PHKG2: variants seen among roughly 807,000 people sequenced by gnomAD.
PHKG2 encodes phosphorylase b kinase gamma catalytic chain, liver/testis isoform.
A neutral mutation model predicts 44.5 loss-of-function variants in PHKG2; 28 were observed. That is an observed-to-expected ratio of 0.63 (90% CI 0.47 to 0.86). The LOEUF (loss-of-function observed/expected upper bound fraction) is 0.86, where lower values mean the gene tolerates loss of function less well. Among genes scored for constraint, PHKG2 ranks in the 40% least tolerant of loss-of-function variants. The pLI is 0.00. For missense variants in PHKG2, 498 were observed against 547.5 expected (o/e 0.91, Z 0.90); for synonymous variants, 220 against 211.2 (o/e 1.04, Z -0.36).
At position 30,758,517 on chromosome 16, in the gene PHKG2, G is replaced by T; in HGVS notation, c.*1420G>T. ...AAGCCACCGTCATTGGCTTTCTAAT[G>T]ATCATTTCTCTGGAGCCACTTCAGC... is the stretch of plus-strand genomic sequence containing the variant. On this transcript the variant is annotated 3_prime_UTR_variant, in exon 10 of 10. Transcript: ENST00000563588. The T allele has an allele frequency of 5.1e-6, 1 of 194,872 alleles. No individual in the cohort carries two copies. The highest frequency in any genetic ancestry group is 2.4e-5 in the African/African-American group (1 of 42,230). The allele number at this position is 194,872 out of a possible 1,614,324, so 12.1% of individuals were successfully genotyped here.
rs746067638 is a variant in PHKG2 at position 30,756,484 on chromosome 16, C to T, written c.765C>T (p.Pro255=). ...AGGGCCAGTACCAGTTCAGTTCCCC[C>T]GAGTGGGATGACCGTTCCAGCACTG... ...IMEGQYQFSS[P]EWDDRSSTVK... is the part of the protein sequence containing the mutation. The change falls in exon 8 of 10, where the codon CCC becomes CCT. Residue 255 remains proline, a synonymous_variant. Coordinates refer to ENST00000563588, the MANE Select transcript of PHKG2 (RefSeq NM_000294.3). The T allele has an allele frequency of 1.2e-5, 20 of 1,613,356 alleles. No homozygotes were observed. The African/African-American group carries it at 1.3e-4, about 11-fold the overall frequency.
chr16:30,758,742 A>G lies in PHKG2; in HGVS notation c.*1645A>G, dbSNP rs1470830466. 3 of 480,804 alleles carry G rather than the reference A, an allele frequency of 6.2e-6. No individual in the cohort carries two copies. The highest frequency in any genetic ancestry group is 1.1e-5 in the Non-Finnish European group (3 of 268,624). The allele number at this position is 480,804 out of a possible 1,614,324, so 29.8% of individuals were successfully genotyped here. A position where few individuals can be genotyped will look rare whatever the true frequency, so the allele number is the denominator to read the frequency against. Reference sequence around the variant, plus strand: ...GGCTATTTTTTGTATTTTAGTAGATAGGGGGTTTCACGGTGTTGCCCAGGC... The same window carrying G: ...GGCTATTTTTTGTATTTTAGTAGATGGGGGGTTTCACGGTGTTGCCCAGGC... On this transcript the variant is annotated 3_prime_UTR_variant, in exon 10 of 10. Transcript: ENST00000563588.
chr16:30,751,315 G>T, intron 3 of PHKG2, 34 bp downstream of exon 3: 1 of 1,602,696 alleles, frequency 6.2e-7, no homozygotes, highest in Non-Finnish European at 8.5e-7. Context: ...GTTAGCAGAC[G>T]ACCCCCCACC....
chr16:30,748,859 C>T lies in PHKG2; in HGVS notation c.39C>T (p.Asp13=). ...TGGGGCCGGAGGATGAGCTGCCCGA[C>T]TGGGCCGCCGCCAAAGAGTTTTACC... is the stretch of plus-strand genomic sequence containing the variant. ...LDVGPEDELP[D]WAAAKEFYQK... The change falls in exon 2 of 10, where the codon GAC becomes GAT. Residue 13 remains aspartate, a synonymous_variant. Coordinates refer to ENST00000563588, the MANE Select transcript of PHKG2 (RefSeq NM_000294.3). The T allele has an allele frequency of 6.4e-7, 1 of 1,554,078 alleles. No homozygotes were observed.
In PHKG2 at chr16:30,756,907, G is replaced by A. The variant is rs532137455; in HGVS notation, c.1031G>A (p.Arg344Gln). 3.3e-5 allele frequency: 54 copies of A among 1,614,054 alleles called. No individual in the cohort carries two copies. The South Asian group carries it at 3.7e-4, about 11-fold the overall frequency. ...NALLRDPYAL[R>Q]SVRHLIDNCA... ...CTGTTGAGGGACCCTTATGCGCTGC[G>A]GTCAGTGCGGCACCTCATCGACAAC... Residue 344 changes from arginine (R) to glutamine (Q), a missense_variant, in exon 10 of 10, where the codon CGG becomes CAG. Transcript: ENST00000563588.
At position 30,757,430 on chromosome 16, in the gene PHKG2, A is replaced by C. The variant is rs1478562116; in HGVS notation, c.*333A>C. On this transcript the variant is annotated 3_prime_UTR_variant, in exon 10 of 10. Transcript: ENST00000563588. ...AGAAGGTGCTCAGCAGGGTGCAGGG[A>C]TGGTGCCATTCTGGCCCAGACCTTT... 6.3e-7 allele frequency: 1 copy of C among 1,588,810 alleles called. No homozygotes were observed. Among genetic ancestry groups the C allele is most frequent in the East Asian group, 2.2e-5 (1 of 44,638 alleles).
chr16:30,751,384 C>G lies in PHKG2; in HGVS notation c.271+103C>G, dbSNP rs78843446. 4.0e-3 allele frequency: 5,454 copies of G among 1,363,674 alleles called. 108 individuals carry two copies. The African/African-American group carries it at 0.054, about 14-fold the overall frequency. The allele number at this position is 1,363,674 out of a possible 1,614,324, so 84.5% of individuals were successfully genotyped here. A position where few individuals can be genotyped will look rare whatever the true frequency, so the allele number is the denominator to read the frequency against. On this transcript the variant is annotated intron_variant, in intron 3 of 9. Transcript: ENST00000563588. Reference sequence around the variant, plus strand: ...AACATTGCCTCCACACCTCTCCTCCCTTCATTCCACTAAAGAGTGGCCATC... The same window carrying G: ...AACATTGCCTCCACACCTCTCCTCCGTTCATTCCACTAAAGAGTGGCCATC...
Position 30,760,188 on chromosome 16 carries a change from G to A in PHKG2, c.*3091G>A. 3.7e-6 allele frequency: 6 copies of A among 1,606,382 alleles called. No individual in the cohort carries two copies. Among genetic ancestry groups the A allele is most frequent in the Non-Finnish European group, 5.1e-6 (6 of 1,179,432 alleles). Reference sequence around the variant, plus strand: ...ATGCTACTAATAATGACATATTCCAGGCAGAAATCCCCTGCTTCTGCTTCC... The same window carrying A: ...ATGCTACTAATAATGACATATTCCAAGCAGAAATCCCCTGCTTCTGCTTCC... On this transcript the variant is annotated 3_prime_UTR_variant, in exon 10 of 10. Coordinates refer to ENST00000563588, the MANE Select transcript of PHKG2 (RefSeq NM_000294.3).
At chr16:30,756,085 A>T in intron 6 of PHKG2, 97 bp from the exon 7 acceptor site, 1 of 902,700 alleles carries the variant, frequency 1.1e-6, no homozygotes, top group Non-Finnish European at 1.9e-6. Flanking sequence ...GAACACTGGT[A>T]GTCCTGGCAG....
chr16:30,750,214 A>T (rs936625190), intron 2 of PHKG2, among the ~76,000 whole-genome samples: 5 of 145,682 alleles, frequency 3.4e-5, no homozygotes, highest in Admixed American at 6.9e-5. Context: ...GTAAAAAAAT[A>T]AAAAAAAAAT....
At position 30,760,614 on chromosome 16, in the gene PHKG2, C is replaced by CTCAGT. The variant is rs1567272296; in HGVS notation, c.*3521_*3522insTTCAG. Reference sequence around the variant, plus strand: ...CCCCCCTCAGTCCCTACTCCCTCATCTCAGCATTGGTGGTCTTCTCCAGCT... The same window carrying CTCAGT: ...CCCCCCTCAGTCCCTACTCCCTCATCTCAGTTCAGCATTGGTGGTCTTCTCCAGCT... On this transcript the variant is annotated 3_prime_UTR_variant, in exon 10 of 10. Coordinates refer to ENST00000563588, the MANE Select transcript of PHKG2 (RefSeq NM_000294.3). 1 of 1,557,984 alleles carries CTCAGT rather than the reference C, an allele frequency of 6.4e-7. No individual in the cohort carries two copies. Among genetic ancestry groups the CTCAGT allele is most frequent in the East Asian group, 2.4e-5 (1 of 41,452 alleles).
chr16:30,748,480 T>TA lies in PHKG2; in HGVS notation c.-29_-28insA. On this transcript the variant is annotated 5_prime_UTR_variant, in exon 1 of 10. Transcript: ENST00000563588. ...TCGCGTCGACCCTGGCTCCTCTGCC[T>TA]GCCCCCTCAGGTGAGCCTGCGCTAG... 1 of 373,500 alleles carries TA rather than the reference T, an allele frequency of 2.7e-6. No individual in the cohort carries two copies. The highest frequency in any genetic ancestry group is 3.5e-5 in the South Asian group (1 of 28,772). 23.1% of individuals were successfully genotyped at this position (373,500 alleles called of 1,614,324 possible). A position where few individuals can be genotyped will look rare whatever the true frequency, so the allele number is the denominator to read the frequency against.
Position 30,760,414 on chromosome 16 carries a change from C to G in PHKG2, c.*3317C>G. Reference sequence around the variant, plus strand: ...CCAGGGTGATGGCGTCCCTCAGGCTCTGCTCAGGACACCCTAGCTCCAGCA... The same window carrying G: ...CCAGGGTGATGGCGTCCCTCAGGCTGTGCTCAGGACACCCTAGCTCCAGCA... On this transcript the variant is annotated 3_prime_UTR_variant, in exon 10 of 10. Coordinates refer to ENST00000563588, the MANE Select transcript of PHKG2 (RefSeq NM_000294.3). 3 of 1,614,208 alleles carry G rather than the reference C, an allele frequency of 1.9e-6. No individual in the cohort carries two copies. The highest frequency in any genetic ancestry group is 2.5e-6 in the Non-Finnish European group (3 of 1,180,046).
intron 6 of PHKG2, chr16:30,754,825 C>T (rs1428386524): frequency 2.2e-6 from 1 of 454,940 alleles, no homozygotes; most frequent in Non-Finnish European, 4.4e-6. Context: ...CTCCCATCTT[C>T]TTCATTCACA....
Position 30,756,873 on chromosome 16 carries a change from A to G in PHKG2, c.997A>G (p.Lys333Glu), listed in dbSNP as rs1198077042. 6.2e-7 allele frequency: 1 copy of G among 1,614,146 alleles called. No homozygotes were observed. Among genetic ancestry groups the G allele is most frequent in the Non-Finnish European group, 8.5e-7 (1 of 1,180,016 alleles). Reference sequence around the variant, plus strand: ...CACCCATCGTGTACGGCCACTGACCAAGAATGCACTGTTGAGGGACCCTTA... The same window carrying G: ...CACCCATCGTGTACGGCCACTGACCGAGAATGCACTGTTGAGGGACCCTTA... ...LSTHRVRPLT[K>E]NALLRDPYAL... The change falls in exon 10 of 10, where the codon AAG becomes GAG. Residue 333 changes from lysine (K) to glutamate (E), a missense_variant. Physicochemically the swap from Lys to Glu is moderately conservative, Grantham distance 56. Transcript: ENST00000563588.
intron 2 of PHKG2, 94 bp downstream of exon 2, chr16:30,749,009 G>C (rs1023163185): frequency 1.7e-3 from 13 of 7,722 alleles, no homozygotes; most frequent in Admixed American, 2.6e-3. Flanking sequence ...GGGTGGTGGT[G>C]GTGGTGGTGG....
chr16:30,759,483 A>AC lies in PHKG2; in HGVS notation c.*2389dup, dbSNP rs1386694160. The AC allele has an allele frequency of 6.2e-7, 1 of 1,613,902 alleles. No homozygotes were observed. The highest frequency in any genetic ancestry group is 1.7e-5 in the Admixed American group (1 of 59,980). Reference sequence around the variant, plus strand: ...GCTGTGGTGGTGACTCGGAATTAGAACCCTGACTACCTTCCGGAGCCCTGG... The same window carrying AC: ...GCTGTGGTGGTGACTCGGAATTAGAACCCCTGACTACCTTCCGGAGCCCTGG... On this transcript the variant is annotated 3_prime_UTR_variant, in exon 10 of 10. Transcript: ENST00000563588.
In PHKG2 at chr16:30,757,307, GC is replaced by G; in HGVS notation, c.*213del. On this transcript the variant is annotated 3_prime_UTR_variant, in exon 10 of 10. Transcript: ENST00000563588. ...GGAGCCATTCTGAACGCCACGCCTG[GC>G]CCGGTCAGTGCTGCATGCACTGCAT... 6.5e-7 allele frequency: 1 copy of G among 1,536,124 alleles called. No homozygotes were observed. The highest frequency in any genetic ancestry group is 2.3e-5 in the East Asian group (1 of 44,374).
In PHKG2 at chr16:30,758,923, C is replaced by CA; in HGVS notation, c.*1831dup. ...TTAGAGAAAGGACTCTGACTAAAAA[C>CA]AAAAAGTCTGAAGTCCTGATGTCAT... On this transcript the variant is annotated 3_prime_UTR_variant, in exon 10 of 10. Transcript: ENST00000563588. 6.5e-7 allele frequency: 1 copy of CA among 1,544,848 alleles called. No individual in the cohort carries two copies. The highest frequency in any genetic ancestry group is 1.2e-5 in the South Asian group (1 of 80,600).
Sources: gnomAD v4.1 joint callset for allele counts (sites outside exome capture counted in the v4.1 genomes callset) on GRCh38, gnomAD v4.1.1 for gene constraint, MANE v1.5 for transcripts, NCBI Gene and HGNC (gene_info 2026-07-23, HGNC 2026-07-21) for gene names.